LIPA: variants seen among roughly 807,000 people sequenced by gnomAD.
The protein encoded by LIPA is lysosomal acid lipase/cholesteryl ester hydrolase.
In LIPA, 26 loss-of-function variants were observed where a neutral mutation model predicts 40.6. The ratio of observed to expected loss-of-function variants is 0.64; its 90% CI spans 0.47 to 0.89. The LOEUF (loss-of-function observed/expected upper bound fraction) is 0.89, where lower values mean the gene tolerates loss of function less well. Ranked by LOEUF, LIPA falls within the 40% of genes least tolerant of loss-of-function variation. The pLI is 0.00. For synonymous variants in LIPA, 188 were observed against 168.4 expected (o/e 1.12, Z -0.90); for missense variants, 455 against 479.6 (o/e 0.95, Z 0.48).
intron 1 of LIPA, among the ~76,000 whole-genome samples, chr10:89,413,199 AG>A (rs1841490477): frequency 6.6e-6 from 1 of 152,386 alleles, no homozygotes. Flanking sequence ...ACTTATAAAA[AG>A]CAGATTCGTA....
intron 3 of LIPA, among the ~76,000 whole-genome samples, chr10:89,230,488 G>C (rs1001411831): frequency 3.3e-5 from 5 of 152,050 alleles, no homozygotes; most frequent in Non-Finnish European, 7.4e-5. Context: ...TGTGTTTTTT[G>C]TAGAGACAGT....
chr10:89,365,984 G>A (rs1206798135), intron 2 of LIPA, among the ~76,000 whole-genome samples: 1 of 152,176 alleles, frequency 6.6e-6, no homozygotes, highest in African/African-American at 2.4e-5. Context: ...CCAATTCTGT[G>A]AAGAAAGTCA....
rs573228095 is a variant in LIPA at position 89,322,404 on chromosome 10, G to C, written c.-2+20207C>G. Among the ~76,000 whole-genome samples the C allele has an allele frequency of 1.6e-4, 24 of 152,176 alleles. No individual in the cohort carries two copies. In the South Asian group the frequency reaches 4.1e-3, roughly 26 times the overall value. ...AAGGGGATTACAGAGAGCAGAAAGG[G>C]GTGAAGCTAGATACCAGCCTGTCCG... On this transcript the variant is annotated intron_variant, in intron 1 of 5. Transcript: ENST00000282673.
chr10:89,343,068 T>G (rs1330278081), upstream of LIPA, among the ~76,000 whole-genome samples: 1 of 152,092 alleles, frequency 6.6e-6, no homozygotes, highest in Non-Finnish European at 1.5e-5. Context: ...TAAAAGGAGG[T>G]AGGTAATACC....
chr10:89,364,978 C>T (rs1044649930), intron 2 of LIPA, among the ~76,000 whole-genome samples: 1 of 152,104 alleles, frequency 6.6e-6, no homozygotes, highest in African/African-American at 2.4e-5. Context: ...TAACATCTAC[C>T]TACAAATAAA....
chr10:89,380,159 G>A (rs925937760), intron 2 of LIPA, among the ~76,000 whole-genome samples: 17 of 152,144 alleles, frequency 1.1e-4, no homozygotes, highest in African/African-American at 3.9e-4. Context: ...TGGCCTGGGC[G>A]TATGTTTCTA....
chr10:89,259,153 T>C (rs1843194999), intron 1 of LIPA, among the ~76,000 whole-genome samples: 1 of 152,228 alleles, frequency 6.6e-6, no homozygotes, highest in Non-Finnish European at 1.5e-5. Context: ...ATGCCATTGT[T>C]CCCTTTAAAT....
chr10:89,305,265 A>C (rs1843471054), intron 1 of LIPA, among the ~76,000 whole-genome samples: 1 of 152,172 alleles, frequency 6.6e-6, no homozygotes, highest in African/African-American at 2.4e-5. Context: ...GGAAAAATTC[A>C]CAGAAAAAAA....
chr10:89,353,098 T>C (rs557144615), intron 2 of LIPA, among the ~76,000 whole-genome samples: 1 of 152,268 alleles, frequency 6.6e-6, no homozygotes, highest in Non-Finnish European at 1.5e-5. Flanking sequence ...GGGCCTCCTC[T>C]CCTACCAGGC....
intron 5 of LIPA, 65 bp from the exon 6 acceptor site, chr10:89,225,293 AAGGCCGTCACTCGCGACGCCCTCTCGCGG>A (rs1842754337): frequency 6.2e-7 from 1 of 1,604,038 alleles, no homozygotes; most frequent in Non-Finnish European, 8.5e-7. Context: ...AGAAAACACA[AAGGCCGTCACTCGCGACGCCCTCTCGCGG>A]AGGCCTGAGA....
intron 1 of LIPA, among the ~76,000 whole-genome samples, chr10:89,336,225 GGGA>G (rs1171685825): frequency 6.6e-6 from 1 of 151,776 alleles, no homozygotes; most frequent in Non-Finnish European, 1.5e-5. Flanking sequence ...GAGGAAGAGA[GGGA>G]GGGAGGGAAA....
rs1564767178 is a variant in LIPA at position 89,250,098 on chromosome 10, C to CTTTCTTTTTTTT, written c.-2+1638_-2+1639insAAAAAAAAGAAA. Among the ~76,000 whole-genome samples, 59 of 101,646 alleles carry CTTTCTTTTTTTT rather than the reference C, an allele frequency of 5.8e-4. 1 individual carries two copies. Among genetic ancestry groups the CTTTCTTTTTTTT allele is most frequent in the Non-Finnish European group, 7.0e-4 (36 of 51,376 alleles). 66.7% of individuals were successfully genotyped at this position (101,646 alleles called of 152,430 possible). On this transcript the variant is annotated intron_variant, in intron 1 of 9. Transcript: ENST00000336233. ...TCTTTTTTCTTTTTCTTTTTCTTTT[C>CTTTCTTTTTTTT]TTTTCTTTCTTTTTTTTTTTTGAGA...
chr10:89,353,072 T>C (rs1243976674), intron 2 of LIPA, among the ~76,000 whole-genome samples: 1 of 152,048 alleles, frequency 6.6e-6, no homozygotes, highest in African/African-American at 2.4e-5. Flanking sequence ...TAGTTAGACA[T>C]GAACAGGGCA....
At chr10:89,341,302 T>C (rs998932095) in intron 1 of LIPA, among the ~76,000 whole-genome samples, 2 of 152,130 alleles carry the variant, frequency 1.3e-5, no homozygotes, top group African/African-American at 4.8e-5. Context: ...GTGAGGCTGG[T>C]CAAAAGGGCA....
At chr10:89,315,340 G>A (rs1001685630) in intron 1 of LIPA, among the ~76,000 whole-genome samples, 2 of 152,086 alleles carry the variant, frequency 1.3e-5, no homozygotes, top group African/African-American at 2.4e-5. Context: ...ACTTTTCCAA[G>A]TTGCAGGTTT....
chr10:89,366,181 G>T (rs1844055592), intron 2 of LIPA, among the ~76,000 whole-genome samples: 2 of 152,130 alleles, frequency 1.3e-5, no homozygotes, highest in South Asian at 2.1e-4. Flanking sequence ...CTTGTAAGTT[G>T]GATTCCTGGG....
intron 1 of LIPA, among the ~76,000 whole-genome samples, chr10:89,318,459 A>G (rs1247098671): frequency 6.6e-6 from 1 of 152,228 alleles, no homozygotes; most frequent in Non-Finnish European, 1.5e-5. Context: ...ATCAAAAGAG[A>G]CAAAGAAGGC....
chr10:89,412,394 T>G (rs1394521379), intron 2 of LIPA, among the ~76,000 whole-genome samples: 1 of 151,990 alleles, frequency 6.6e-6, no homozygotes, highest in Non-Finnish European at 1.5e-5. Flanking sequence ...CAATCAGCAC[T>G]CTGTAAAATG....
chr10:89,268,592 C>T (rs540714252), intron 1 of LIPA, among the ~76,000 whole-genome samples: 2 of 152,190 alleles, frequency 1.3e-5, no homozygotes, highest in Non-Finnish European at 2.9e-5. Context: ...TACTTTTATT[C>T]CCACTCAATA....
Sources: gnomAD v4.1 joint callset for allele counts (sites outside exome capture counted in the v4.1 genomes callset) on GRCh38, gnomAD v4.1.1 for gene constraint, MANE v1.5 for transcripts, NCBI Gene and HGNC (gene_info 2026-07-23, HGNC 2026-07-21) for gene names.